EXOSC2: variants seen among roughly 807,000 people sequenced by gnomAD.
EXOSC2 encodes the protein exosome component 2, also known as exosome complex component RRP4.
In EXOSC2, 29 loss-of-function variants were observed where a neutral mutation model predicts 37.6. That is an observed-to-expected ratio of 0.77 (90% CI 0.57 to 1.05). The LOEUF (loss-of-function observed/expected upper bound fraction) is 1.05. Among genes scored for constraint, EXOSC2 ranks in the 50% least tolerant of loss-of-function variants. The pLI, the probability that EXOSC2 is intolerant of heterozygous loss-of-function variation, is 0.00. For missense variants in EXOSC2, 346 were observed against 365.6 expected, an observed-to-expected ratio of 0.95 and a Z score of 0.44; for synonymous variants, 119 against 131.1, an observed-to-expected ratio of 0.91 and a Z score of 0.63.
chr9:130,693,776 A>G, upstream of EXOSC2: 1 of 1,598,470 alleles, frequency 6.3e-7, no homozygotes, highest in Non-Finnish European at 8.6e-7. Context: ...CGCCTGCGCA[A>G]CTCATTGGCG....
At chr9:130,696,215 A>G (rs932032641) in intron 2 of EXOSC2, among the ~76,000 whole-genome samples, 7 of 152,224 alleles carry the variant, frequency 4.6e-5, no homozygotes, top group African/African-American at 1.7e-4. Flanking sequence ...TATTTAGCAC[A>G]GAGCCTGATA....
At chr9:130,701,003 C>A in intron 6 of EXOSC2, 68 bp downstream of exon 6, 3 of 1,513,636 alleles carry the variant, frequency 2.0e-6, no homozygotes, top group Admixed American at 1.7e-5. Context: ...ATCCCCATAG[C>A]TCTCTGGAAT....
Position 130,703,075 on chromosome 9 carries a change from A to G in EXOSC2, c.695A>G (p.Glu232Gly), listed in dbSNP as rs2132644684. Reference sequence around the variant, plus strand: ...TAGCCTGTCTCTCTTGCTGATCGAGAGGTGATATCCCGGCTTCGGAACTGC... The same window carrying G: ...TAGCCTGTCTCTCTTGCTGATCGAGGGGTGATATCCCGGCTTCGGAACTGC... ...NLEPVSLADREVISRLRNCII... is the reference protein window; with the variant it reads ...NLEPVSLADRGVISRLRNCII... The change falls in exon 8 of 9, where the codon GAG (glutamate) becomes GGG (glycine). Residue 232 changes from glutamate to glycine, a missense_variant. Glu to Gly is a moderately conservative substitution (Grantham distance 98, BLOSUM62 -2). Transcript: ENST00000372358. 6 of 1,613,564 alleles carry G rather than the reference A, an allele frequency of 3.7e-6. No homozygotes were observed. Among genetic ancestry groups the G allele is most frequent in the Non-Finnish European group, 4.2e-6 (5 of 1,179,808 alleles).
rs189624257 is a variant in EXOSC2, at chr9:130,694,031, C to T, written c.122+118C>T. The T allele has an allele frequency of 8.1e-7, 1 of 1,241,506 alleles. No individual in the cohort carries two copies. Among genetic ancestry groups the T allele is most frequent in the Non-Finnish European group, 1.1e-6 (1 of 914,322 alleles). The allele number at this position is 1,241,506 out of a possible 1,614,324, so 76.9% of individuals were successfully genotyped here. On this transcript the variant is annotated intron_variant, in intron 1 of 8. Transcript: ENST00000372358. The surrounding 1 kb of genome is among the most constrained non-coding windows in gnomAD (Gnocchi z 4.0). ...CCCCGCGGGACCCAGGGCACTTCGT[C>T]TGAGCATCCTACACACCTCGCTTCC...
At chr9:130,697,511 C>G (rs779065288) in intron 2 of EXOSC2, 71 bp from the exon 3 acceptor site, 3 of 1,480,288 alleles carry the variant, frequency 2.0e-6, no homozygotes, top group Non-Finnish European at 2.8e-6. Flanking sequence ...GAACCGACAT[C>G]TCAAATGGTG....
intron 6 of EXOSC2, 190 bp downstream of exon 6, chr9:130,701,125 T>C (rs1831206784): frequency 5.2e-6 from 3 of 575,084 alleles, no homozygotes; most frequent in Non-Finnish European, 9.4e-6. Context: ...GGGTCATGGG[T>C]CAGTAGCCTT....
Position 130,700,859 on chromosome 9 carries a change from C to G in EXOSC2, c.427-8C>G, listed in dbSNP as rs1359801360. The G allele has an allele frequency of 6.2e-7, 1 of 1,613,846 alleles. No individual in the cohort carries two copies. The highest frequency in any genetic ancestry group is 8.5e-7 in the Non-Finnish European group (1 of 1,179,896). ...GGCTGCTGTTTGTTCCTTCATCACC[C>G]TGGCCAGGCTGAGGTCCAGGCAGTG... is the stretch of plus-strand genomic sequence containing the variant. On this transcript the variant is annotated splice_region_variant and splice_polypyrimidine_tract_variant and intron_variant, in intron 5 of 8. Coordinates refer to ENST00000372358, the MANE Select transcript of EXOSC2 (RefSeq NM_014285.7).
chr9:130,703,147 T>A lies in EXOSC2; in HGVS notation c.767T>A (p.Ile256Asn). The change falls in exon 8 of 9, where the codon ATC becomes AAC. Residue 256 changes from isoleucine (I) to asparagine (N), a missense_variant. By Grantham distance (149) the Ile-to-Asn change is moderately radical. Transcript: ENST00000372358. ...AGGATGATGCTGTATGATACCAGCA[T>A]CCTGTACTGCTATGAAGCATCCCTT... ...TQRMMLYDTSILYCYEASLPH... is the reference protein window; with the variant it reads ...TQRMMLYDTSNLYCYEASLPH... 1 of 1,613,860 alleles carries A rather than the reference T, an allele frequency of 6.2e-7. No individual in the cohort carries two copies. Among genetic ancestry groups the A allele is most frequent in the South Asian group, 1.1e-5 (1 of 91,052 alleles).
intron 7 of EXOSC2, among the ~76,000 whole-genome samples, chr9:130,702,559 A>C (rs1831240443): frequency 2.0e-5 from 3 of 149,234 alleles, no homozygotes; most frequent in Admixed American, 6.7e-5. Flanking sequence ...GAGCCAGTGA[A>C]GAAGCCATTC....
At chr9:130,696,255 A>C (rs1189335671) in intron 2 of EXOSC2, among the ~76,000 whole-genome samples, 3 of 152,232 alleles carry the variant, frequency 2.0e-5, no homozygotes, top group Admixed American at 6.5e-5. Context: ...GGTTAGCCCC[A>C]GAAAGCAAGC....
At chr9:130,701,965 C>T in intron 6 of EXOSC2, 169 bp from the exon 7 acceptor site, 2 of 1,422,666 alleles carry the variant, frequency 1.4e-6, no homozygotes. Flanking sequence ...CCTCTGAGTC[C>T]CAAAGCGTTC....
At chr9:130,702,925 TTTGG>T (rs767268775) in intron 7 of EXOSC2, 124 bp from the exon 8 acceptor site, 209 of 1,111,342 alleles carry the variant, frequency 1.9e-4, no homozygotes, top group Non-Finnish European at 2.6e-4. Context: ...GAATTAGCTG[TTTGG>T]TTGATTTGGA....
rs964345413 is a variant in EXOSC2 at position 130,694,464 on chromosome 9, T to C, written c.122+551T>C. Among the ~76,000 whole-genome samples, 2 of 152,146 alleles carry C rather than the reference T, an allele frequency of 1.3e-5. No individual in the cohort carries two copies. The highest frequency in any genetic ancestry group is 4.1e-4 in the South Asian group (2 of 4,828). On this transcript the variant is annotated intron_variant, in intron 1 of 8. Coordinates refer to ENST00000372358, the MANE Select transcript of EXOSC2 (RefSeq NM_014285.7). The surrounding 1 kb of genome is among the most constrained non-coding windows in gnomAD (Gnocchi z 4.0). ...TTCCGGTCCTGCTACCATCACATCT[T>C]ATTAGCGGCATTGCCTCTCCACGGT...
chr9:130,702,277 A>C lies in EXOSC2; in HGVS notation c.639A>C (p.Glu213Asp), dbSNP rs147223725. ...IWIYPTPEHK[E>D]EEAGGFIANL... ...TTTACCCAACACCTGAGCACAAAGA[A>C]GAGGAAGCAGGGGGCTTCATTGCAA... is the stretch of plus-strand genomic sequence containing the variant. The change falls in exon 7 of 9, where the codon GAA (glutamate) becomes GAC (aspartate). Residue 213 changes from glutamate (E) to aspartate (D), a missense_variant. Physicochemically the swap from Glu to Asp is conservative, Grantham distance 45 (BLOSUM62 2). Coordinates refer to ENST00000372358, the MANE Select transcript of EXOSC2 (RefSeq NM_014285.7). The C allele has an allele frequency of 2.4e-4, 390 of 1,614,002 alleles. No homozygotes were observed. The highest frequency in any genetic ancestry group is 3.0e-4 in the Non-Finnish European group (350 of 1,180,020).
chr9:130,694,598 A>G lies in EXOSC2; in HGVS notation c.122+685A>G, dbSNP rs2132624582. 6.6e-6 allele frequency among the ~76,000 whole-genome samples: 1 copy of G among 152,358 alleles called. No individual in the cohort carries two copies. The highest frequency in any genetic ancestry group is 2.1e-4 in the South Asian group (1 of 4,832). On this transcript the variant is annotated intron_variant, in intron 1 of 8. Transcript: ENST00000372358. This position sits in a 1 kb window ranked among gnomAD's most constrained non-coding sequence, Gnocchi z 4.0. ...GTAAAACCAGCCATTATATCATCAT[A>G]GATAACACTAGTGTTTCAACCTTTA...
At position 130,703,914 on chromosome 9, in the gene EXOSC2, C is replaced by T. The variant is rs546138489; in HGVS notation, c.*140C>T. On this transcript the variant is annotated 3_prime_UTR_variant, in exon 9 of 9. Coordinates refer to ENST00000372358, the MANE Select transcript of EXOSC2 (RefSeq NM_014285.7). ...CGGCCCTGTGACGGCCTCCAGCCCA[C>T]AGGCCTGCTTTCTCCTGTCCTAACA... is the stretch of plus-strand genomic sequence containing the variant. 46 of 660,204 alleles carry T rather than the reference C, an allele frequency of 7.0e-5. No individual in the cohort carries two copies. Among genetic ancestry groups the T allele is most frequent in the African/African-American group, 6.9e-4 (38 of 55,382 alleles). 40.9% of individuals were successfully genotyped at this position (660,204 alleles called of 1,614,324 possible). A position where few individuals can be genotyped will look rare whatever the true frequency, so the allele number is the denominator to read the frequency against.
chr9:130,693,786 G>A lies in EXOSC2; in HGVS notation c.-6G>A, dbSNP rs781446909. The A allele has an allele frequency of 1.2e-6, 2 of 1,601,858 alleles. No individual in the cohort carries two copies. The highest frequency in any genetic ancestry group is 1.7e-4 in the Middle Eastern group (1 of 6,056). On this transcript the variant is annotated 5_prime_UTR_variant, in exon 1 of 9. Coordinates refer to ENST00000372358, the MANE Select transcript of EXOSC2 (RefSeq NM_014285.7). ...AGCTGCGCCTGCGCAACTCATTGGC[G>A]CCAAGATGGCGATGGAGATGAGGCT...
rs377549336 is a variant in EXOSC2, at chr9:130,700,943, G to A, written c.495+8G>A. On this transcript the variant is annotated splice_region_variant and intron_variant, in intron 6 of 8. Coordinates refer to ENST00000372358, the MANE Select transcript of EXOSC2 (RefSeq NM_014285.7). ...AGCCTGAAATATGGAAAAGTAAGTC[G>A]GGCTCTTGATGTTCCTGTTTGCTGA... The A allele has an allele frequency of 1.7e-5, 28 of 1,613,674 alleles. No homozygotes were observed. The highest frequency in any genetic ancestry group is 5.3e-5 in the African/African-American group (4 of 74,852).
chr9:130,696,393 G>A (rs1332012737), intron 2 of EXOSC2, among the ~76,000 whole-genome samples: 1 of 152,126 alleles, frequency 6.6e-6, no homozygotes, highest in African/African-American at 2.4e-5. Context: ...TGTGTAATCT[G>A]GGAAGCACTG....
Sources: gnomAD v4.1 joint callset for allele counts (sites outside exome capture counted in the v4.1 genomes callset) on GRCh38, gnomAD v4.1.1 for gene constraint, Gnocchi (gnomAD v3.1) non-coding constraint, MANE v1.5 for transcripts, NCBI Gene and HGNC (gene_info 2026-07-23, HGNC 2026-07-21) for gene names.